The following RALGAPA1 variants were observed in gnomAD, a reference collection of about 807,000 sequenced individuals.
RALGAPA1 encodes ral GTPase-activating protein subunit alpha-1.
RALGAPA1 carries 52 observed loss-of-function variants against 269.6 expected under a neutral mutation model. The observed-to-expected ratio is 0.19, with a 90% CI of 0.15 to 0.24. RALGAPA1 has a LOEUF of 0.24. Ranked by LOEUF, RALGAPA1 falls within the 10% of genes least tolerant of loss-of-function variation. The probability of loss-of-function intolerance (pLI) is 1.00; values close to 1 mark genes in which losing one functional copy is unlikely to be tolerated. For synonymous variants in RALGAPA1, 817 were observed against 1,008.3 expected, an observed-to-expected ratio of 0.81 and a Z score of 3.60; for missense variants, 1,917 against 3,013.9, an observed-to-expected ratio of 0.64 and a Z score of 8.52.
chr14:35,752,834 G>T (rs546753649), intron 7 of RALGAPA1, among the ~76,000 whole-genome samples: 1 of 152,108 alleles, frequency 6.6e-6, no homozygotes, highest in Non-Finnish European at 1.5e-5. Context: ...TATACACAAG[G>T]GGGACTGATT....
intron 37 of RALGAPA1, among the ~76,000 whole-genome samples, chr14:35,577,761 C>G (rs185026644): frequency 3.6e-4 from 55 of 152,248 alleles, no homozygotes; most frequent in African/African-American, 1.3e-3. Flanking sequence ...TATTATGTCT[C>G]TCACTAAATC....
chr14:35,639,755 C>T (rs907192660), intron 31 of RALGAPA1, among the ~76,000 whole-genome samples: 3 of 151,804 alleles, frequency 2.0e-5, no homozygotes, highest in East Asian at 1.9e-4. Context: ...CTGGCTAAGA[C>T]GGTGAAACCC....
At chr14:35,797,957 C>T (rs894484341) in intron 1 of RALGAPA1, among the ~76,000 whole-genome samples, 3 of 151,520 alleles carry the variant, frequency 2.0e-5, no homozygotes, top group Non-Finnish European at 2.9e-5. Context: ...ACTGCAGCCT[C>T]GACCTCCTGG....
At chr14:35,647,174 G>A (rs1363067867) in intron 31 of RALGAPA1, among the ~76,000 whole-genome samples, 4 of 152,104 alleles carry the variant, frequency 2.6e-5, no homozygotes, top group Non-Finnish European at 5.9e-5. Context: ...AAGTTGTTTT[G>A]ATGTTGAAAT....
At chr14:35,621,862 C>T (rs2060651207) in intron 35 of RALGAPA1, among the ~76,000 whole-genome samples, 2 of 152,138 alleles carry the variant, frequency 1.3e-5, no homozygotes, top group South Asian at 4.1e-4. Flanking sequence ...AGTCAGGAAA[C>T]AACAGATGCT....
intron 22 of RALGAPA1, chr14:35,676,365 C>T (rs1011006277): frequency 6.6e-6 from 1 of 152,200 alleles, no homozygotes; most frequent in Non-Finnish European, 1.5e-5. Flanking sequence ...GCGTGTGCCA[C>T]CATGATCAGC....
At chr14:35,586,894 T>G (rs1049943236) in intron 37 of RALGAPA1, among the ~76,000 whole-genome samples, 1 of 152,186 alleles carries the variant, frequency 6.6e-6, no homozygotes, top group Non-Finnish European at 1.5e-5. Context: ...GCATTGATGT[T>G]TATCAGGGAT....
At chr14:35,548,426 G>A in intron 41 of RALGAPA1, 82 bp downstream of exon 41, 1 of 935,690 alleles carries the variant, frequency 1.1e-6, no homozygotes, top group Non-Finnish European at 1.6e-6. Flanking sequence ...TATTGTTTAA[G>A]TTACAAGCTT....
At chr14:35,752,196 G>C (rs533995253) in intron 7 of RALGAPA1, 34 bp from the exon 8 acceptor site, 2 of 1,465,488 alleles carry the variant, frequency 1.4e-6, no homozygotes, top group South Asian at 2.7e-5. Flanking sequence ...AATCATTCCA[G>C]AAGAAAGAAT....
At position 35,748,787 on chromosome 14, in the gene RALGAPA1, T is replaced by G; in HGVS notation, c.1049A>C (p.Lys350Thr). 6.2e-7 allele frequency: 1 copy of G among 1,612,486 alleles called. No homozygotes were observed. Residue 350 changes from lysine to threonine, a missense_variant, in exon 10 of 42, where the codon AAA (lysine) becomes ACA (threonine). Physicochemically the swap from Lys to Thr is moderately conservative, Grantham distance 78 (BLOSUM62 -1). Transcript: ENST00000680220. ...GTCTGTTTTATCAGCATTATCATTT[T>G]TGCTTTCTTCTCTGGATACTAAACT... ...AASLVSREES[K>T]NDNADKTDRT...
At chr14:35,703,897 T>C (rs1484607355) in intron 16 of RALGAPA1, among the ~76,000 whole-genome samples, 1 of 151,504 alleles carries the variant, frequency 6.6e-6, no homozygotes, top group African/African-American at 2.4e-5. Flanking sequence ...CCTTGGACCA[T>C]ACAGACTATA....
intron 10 of RALGAPA1, among the ~76,000 whole-genome samples, chr14:35,745,707 T>C (rs2072010408): frequency 7.5e-6 from 1 of 133,898 alleles, no homozygotes; most frequent in South Asian, 2.3e-4. Flanking sequence ...GAGTCTGCAG[T>C]GAGCCGAGAT....
intron 21 of RALGAPA1, among the ~76,000 whole-genome samples, chr14:35,678,877 G>A (rs181012363): frequency 1.6e-3 from 238 of 152,226 alleles, no homozygotes; most frequent in African/African-American, 5.5e-3. Context: ...GCTTCCTTGA[G>A]AAGCCTACTC....
At chr14:35,579,402 G>C (rs1001718626) in intron 37 of RALGAPA1, among the ~76,000 whole-genome samples, 11 of 151,976 alleles carry the variant, frequency 7.2e-5, no homozygotes, top group African/African-American at 2.7e-4. Context: ...AGGCTGAGGC[G>C]GGCAGATCAT....
At chr14:35,785,388 G>A (rs941003604) in intron 1 of RALGAPA1, among the ~76,000 whole-genome samples, 64 of 152,234 alleles carry the variant, frequency 4.2e-4, no homozygotes, top group African/African-American at 1.5e-3. Flanking sequence ...AGAACCATTT[G>A]AATAAATAGA....
intron 31 of RALGAPA1, among the ~76,000 whole-genome samples, chr14:35,637,963 C>A (rs186876785): frequency 5.9e-5 from 9 of 152,220 alleles, no homozygotes; most frequent in Non-Finnish European, 1.3e-4. Flanking sequence ...ATAATATATC[C>A]AGTGAAAATA....
rs780050419 is a variant in RALGAPA1, at chr14:35,677,938, T to C, written c.4624+12A>G. 8 of 1,611,216 alleles carry C rather than the reference T, an allele frequency of 5.0e-6. No homozygotes were observed. The African/African-American group carries it at 9.4e-5, about 19-fold the overall frequency. ...AAAGAAAAAAGGTAAATATCTAATT[T>C]TGAAATATTGCCTAGATCATCTGGT... On this transcript the variant is annotated intron_variant, in intron 22 of 41. Coordinates refer to ENST00000680220, the MANE Select transcript of RALGAPA1 (RefSeq NM_001346249.2).
intron 13 of RALGAPA1, among the ~76,000 whole-genome samples, chr14:35,726,994 T>C (rs2069989097): frequency 1.3e-5 from 2 of 152,256 alleles, no homozygotes; most frequent in African/African-American, 4.8e-5. Context: ...GAAAGCTATG[T>C]GGCACAAATA....
At chr14:35,650,884 G>A (rs2062783583) in intron 31 of RALGAPA1, among the ~76,000 whole-genome samples, 1 of 150,346 alleles carries the variant, frequency 6.7e-6, no homozygotes, top group Admixed American at 6.6e-5. Flanking sequence ...TTTGTGCAAT[G>A]ATGAAAATGG....
Sources: allele counts gnomAD v4.1 joint callset (sites outside exome capture counted in the v4.1 genomes callset), GRCh38; gene constraint gnomAD v4.1.1; transcripts MANE v1.5; gene names NCBI Gene and HGNC (gene_info 2026-07-23, HGNC 2026-07-21).